DOK6: variants seen among roughly 807,000 people sequenced by gnomAD.
The protein encoded by DOK6 is downstream of tyrosine kinase 6.
Under a neutral mutation model 44.0 loss-of-function variants are expected in DOK6, and 22 were observed. The ratio of observed to expected loss-of-function variants is 0.50; its 90% confidence interval spans 0.36 to 0.71. The LOEUF is 0.71. Among genes scored for constraint, DOK6 ranks in the 30% least tolerant of loss-of-function variants. The pLI is 0.00. For missense variants in DOK6, 340 were observed against 416.4 expected, an observed-to-expected ratio of 0.82 and a Z score of 1.60; for synonymous variants, 166 against 145.5, an observed-to-expected ratio of 1.14 and a Z score of -1.01.
chr18:69,468,387 C>T (rs1979988312), intron 1 of DOK6, among the ~76,000 whole-genome samples: 1 of 152,032 alleles, frequency 6.6e-6, no homozygotes, highest in Non-Finnish European at 1.5e-5. Flanking sequence ...TCATATGTGC[C>T]CCATAAATAT....
chr18:69,834,000 T>G (rs1010834822), intron 7 of DOK6, among the ~76,000 whole-genome samples: 1 of 152,130 alleles, frequency 6.6e-6, no homozygotes, highest in African/African-American at 2.4e-5. Flanking sequence ...TGGAGATTTC[T>G]CAAAAAAACT....
rs571180167 is a variant in DOK6 at position 69,482,295 on chromosome 18, G to T, written c.66+80985G>T. Among the ~76,000 whole-genome samples the T allele has an allele frequency of 5.3e-5, 8 of 152,242 alleles. No individual in the cohort carries two copies. In the South Asian group the frequency reaches 8.3e-4, roughly 16 times the overall value. ...TTGGTGTTTTAGACATGAAGTCCTT[G>T]CCCATGCCTATGTCCTGAATGGTAT... On this transcript the variant is annotated intron_variant, in intron 1 of 7. Coordinates refer to ENST00000382713, the MANE Select transcript of DOK6 (RefSeq NM_152721.6).
chr18:69,599,917 T>A (rs1163824582), intron 3 of DOK6, among the ~76,000 whole-genome samples: 2 of 152,154 alleles, frequency 1.3e-5, no homozygotes, highest in Admixed American at 1.3e-4. Flanking sequence ...CTTTGAGGAA[T>A]GTATTGTTTT....
rs752837624 is a variant in DOK6, at chr18:69,564,518, A to G, written c.98A>G (p.Lys33Arg). Residue 33 changes from lysine to arginine, a missense_variant, in exon 2 of 8, where the codon AAG (lysine) becomes AGG (arginine). By Grantham distance (26) the Lys-to-Arg change is conservative. Transcript: ENST00000382713. ...AGACGATGCTGGTTGGTTTTCAAGAAGGCTTCTAGCAAAGGACCCAGAAGG... is the reference window on the plus strand; with the variant it reads ...AGACGATGCTGGTTGGTTTTCAAGAGGGCTTCTAGCAAAGGACCCAGAAGG... ...IFRRCWLVFK[K>R]ASSKGPRRLE... 5 of 1,613,876 alleles carry G rather than the reference A, an allele frequency of 3.1e-6. No homozygotes were observed. The highest frequency in any genetic ancestry group is 4.5e-5 in the East Asian group (2 of 44,870).
At chr18:69,411,018 A>T (rs1169767460) in intron 1 of DOK6, among the ~76,000 whole-genome samples, 1 of 152,230 alleles carries the variant, frequency 6.6e-6, no homozygotes, top group East Asian at 1.9e-4. Flanking sequence ...CTACTTAAAG[A>T]GATAGGGCAT....
intron 1 of DOK6, among the ~76,000 whole-genome samples, chr18:69,457,241 G>A (rs931782618): frequency 1.3e-5 from 2 of 152,108 alleles, no homozygotes; most frequent in Admixed American, 6.6e-5. Context: ...CATTAAGAAG[G>A]CTATTTGCTA....
chr18:69,496,871 T>G (rs932722414), intron 1 of DOK6, among the ~76,000 whole-genome samples: 1 of 152,222 alleles, frequency 6.6e-6, no homozygotes, highest in Non-Finnish European at 1.5e-5. Flanking sequence ...AGAACATTTA[T>G]TGAAAATTTG....
chr18:69,593,700 T>G, intron 2 of DOK6, among the ~76,000 whole-genome samples: 1 of 152,172 alleles, frequency 6.6e-6, no homozygotes. Context: ...GCTTATTTTG[T>G]CAATTTTTAT....
chr18:69,446,506 A>T (rs1211763144), intron 1 of DOK6, among the ~76,000 whole-genome samples: 4 of 152,024 alleles, frequency 2.6e-5, no homozygotes, highest in Non-Finnish European at 4.4e-5. Context: ...GAGTAGTGCC[A>T]CAATAAACAT....
intron 1 of DOK6, among the ~76,000 whole-genome samples, chr18:69,548,495 C>A (rs1322845583): frequency 6.6e-6 from 1 of 151,588 alleles, no homozygotes; most frequent in Non-Finnish European, 1.5e-5. Flanking sequence ...TCCTGACTTA[C>A]AATTTTGTAC....
At chr18:69,465,764 CATACGTGTGCATGTGTCTTT>C (rs1425298743) in intron 1 of DOK6, among the ~76,000 whole-genome samples, 8 of 152,048 alleles carry the variant, frequency 5.3e-5, no homozygotes, top group African/African-American at 1.9e-4. Flanking sequence ...CCGCAATAAA[CATACGTGTGCATGTGTCTTT>C]ATAGCAGCAT....
intron 6 of DOK6, among the ~76,000 whole-genome samples, chr18:69,751,060 C>T (rs958256150): frequency 1.3e-5 from 2 of 152,032 alleles, no homozygotes; most frequent in African/African-American, 4.8e-5. Flanking sequence ...AATCAATCAA[C>T]TCATAAAAGT....
At chr18:69,422,591 A>G (rs1331648688) in intron 1 of DOK6, among the ~76,000 whole-genome samples, 1 of 152,112 alleles carries the variant, frequency 6.6e-6, no homozygotes, top group Non-Finnish European at 1.5e-5. Flanking sequence ...AGAACATCCA[A>G]CTGAGTGCTG....
chr18:69,511,739 T>C (rs1462605506), intron 1 of DOK6, among the ~76,000 whole-genome samples: 1 of 152,246 alleles, frequency 6.6e-6, no homozygotes, highest in Non-Finnish European at 1.5e-5. Context: ...TGCAAAATAT[T>C]AAACCATTTG....
chr18:69,599,963 G>A (rs575583409), intron 3 of DOK6, among the ~76,000 whole-genome samples: 2 of 152,312 alleles, frequency 1.3e-5, no homozygotes, highest in South Asian at 2.1e-4. Context: ...ATACATTTCA[G>A]ATTGAATTTT....
At chr18:69,659,899 AT>A in intron 3 of DOK6, 1 of 139,248 alleles carries the variant, frequency 7.2e-6, no homozygotes, top group Admixed American at 7.2e-5. Flanking sequence ...TATATAACAT[AT>A]ATGTATGTTT....
In DOK6 at chr18:69,517,325, G is replaced by GA. The variant is rs202009718; in HGVS notation, c.67-47153dup. ...GAAACCACCTGACCTCTGCATAGGG[G>GA]AAAAAAAAACATTGTTTTGCTTATG... On this transcript the variant is annotated intron_variant, in intron 1 of 7. Transcript: ENST00000382713. Among the ~76,000 whole-genome samples the GA allele has an allele frequency of 2.4e-3, 359 of 150,124 alleles. 1 individual carries two copies. The highest frequency in any genetic ancestry group is 3.4e-3 in the Middle Eastern group (1 of 292).
chr18:69,563,127 C>A (rs772214283), intron 1 of DOK6, among the ~76,000 whole-genome samples: 3 of 152,100 alleles, frequency 2.0e-5, no homozygotes, highest in Admixed American at 6.6e-5. Flanking sequence ...CTTAGAATGG[C>A]GATCATTAAA....
At chr18:69,749,565 T>C (rs1979101054) in intron 6 of DOK6, among the ~76,000 whole-genome samples, 4 of 152,186 alleles carry the variant, frequency 2.6e-5, no homozygotes. Flanking sequence ...CAATCAAAGC[T>C]TCAGCATCCT....
Sources: allele counts gnomAD v4.1 joint callset (sites outside exome capture counted in the v4.1 genomes callset), GRCh38; gene constraint gnomAD v4.1.1; transcripts MANE v1.5; gene names NCBI Gene and HGNC (gene_info 2026-07-23, HGNC 2026-07-21).